SUMF1: variants seen among roughly 807,000 people sequenced by gnomAD.
The protein encoded by SUMF1 is sulfatase modifying factor 1.
Under a neutral mutation model 47.6 loss-of-function variants are expected in SUMF1, and 48 were observed. The ratio of observed to expected loss-of-function variants is 1.01; its 90% confidence interval spans 0.80 to 1.28. The LOEUF (loss-of-function observed/expected upper bound fraction) is 1.28. Ranked by LOEUF, SUMF1 falls within the 50% of genes most tolerant of loss-of-function variation. The pLI, the probability that SUMF1 is intolerant of heterozygous loss-of-function variation, is 0.00. For synonymous variants in SUMF1, 230 were observed against 192.1 expected, an observed-to-expected ratio of 1.20 and a Z score of -1.63; for missense variants, 571 against 485.4, an observed-to-expected ratio of 1.18 and a Z score of -1.66.
chr3:4,353,505 G>C (rs1348029680), intron 8 of SUMF1, among the ~76,000 whole-genome samples: 1 of 152,114 alleles, frequency 6.6e-6, no homozygotes, highest in African/African-American at 2.4e-5. Context: ...GCCCACCTCG[G>C]CCTCCCAAAG....
chr3:4,361,048 GA>G (rs1269713514), downstream of SUMF1: 23 of 152,264 alleles, frequency 1.5e-4, no homozygotes, highest in Admixed American at 1.2e-3. Context: ...TAACAAACAT[GA>G]ACGTTTTCTA....
intron 8 of SUMF1, among the ~76,000 whole-genome samples, chr3:4,310,861 C>A (rs1279156684): frequency 6.6e-6 from 1 of 151,942 alleles, no homozygotes; most frequent in East Asian, 1.9e-4. Context: ...AAAAGTTTAA[C>A]ATGAAAAGTT....
chr3:4,464,046 A>G (rs1182258711), intron 1 of SUMF1, among the ~76,000 whole-genome samples: 1 of 152,202 alleles, frequency 6.6e-6, no homozygotes, highest in Non-Finnish European at 1.5e-5. Context: ...ACACACACTC[A>G]TTGTATGAAT....
intron 8 of SUMF1, among the ~76,000 whole-genome samples, chr3:4,340,107 A>G (rs760843248): frequency 1.2e-4 from 13 of 105,048 alleles, no homozygotes; most frequent in East Asian, 4.8e-4. Flanking sequence ...ACCAATGTGC[A>G]CACACACACA....
At chr3:4,298,689 C>T (rs966297822) in intron 8 of SUMF1, among the ~76,000 whole-genome samples, 4 of 152,178 alleles carry the variant, frequency 2.6e-5, no homozygotes, top group Non-Finnish European at 4.4e-5. Context: ...TTGTCTGTTA[C>T]ACTGCAAGCT....
At chr3:4,143,841 A>T (rs939713679) in intron 8 of SUMF1, among the ~76,000 whole-genome samples, 2 of 152,134 alleles carry the variant, frequency 1.3e-5, no homozygotes, top group Non-Finnish European at 2.9e-5. Flanking sequence ...GCTAGTTAGA[A>T]TTGTGGAATT....
chr3:4,386,892 T>C (rs532415832), intron 7 of SUMF1, among the ~76,000 whole-genome samples: 1 of 151,922 alleles, frequency 6.6e-6, no homozygotes, highest in Non-Finnish European at 1.5e-5. Context: ...TGCTTCTTAT[T>C]ATGGTAGATT....
chr3:4,216,672 A>G, intron 8 of SUMF1, among the ~76,000 whole-genome samples: 1 of 152,182 alleles, frequency 6.6e-6, no homozygotes, highest in Admixed American at 6.6e-5. Flanking sequence ...AATTTACAAG[A>G]AAAAAACAAC....
At chr3:4,455,068 T>C (rs1017880148) in intron 1 of SUMF1, among the ~76,000 whole-genome samples, 1 of 152,254 alleles carries the variant, frequency 6.6e-6, no homozygotes, top group African/African-American at 2.4e-5. Context: ...TATTGCATTC[T>C]ATATGAATTC....
intron 8 of SUMF1, 98 bp downstream of exon 8, chr3:4,376,227 CATTTG>C: frequency 7.3e-7 from 1 of 1,365,778 alleles, no homozygotes; most frequent in Admixed American, 1.7e-5. Context: ...GTTAGGTAGG[CATTTG>C]CAGAAGTGAA....
At chr3:4,321,470 T>TAAAAAAAAAAAA (rs1206478992) in intron 8 of SUMF1, among the ~76,000 whole-genome samples, 47 of 63,706 alleles carry the variant, frequency 7.4e-4, no homozygotes, top group Non-Finnish European at 9.6e-4. Flanking sequence ...AAGGAAATGC[T>TAAAAAAAAAAAA]AAAAAAAAAA....
chr3:4,156,445 C>A (rs1694454245), intron 8 of SUMF1, among the ~76,000 whole-genome samples: 1 of 151,548 alleles, frequency 6.6e-6, no homozygotes, highest in Non-Finnish European at 1.5e-5. Flanking sequence ...TTGTTCCCCA[C>A]TATATCTTCA....
intron 7 of SUMF1, among the ~76,000 whole-genome samples, chr3:4,409,403 A>T (rs754163971): frequency 2.0e-5 from 3 of 152,192 alleles, no homozygotes; most frequent in Non-Finnish European, 4.4e-5. Context: ...GTGAAAAGAA[A>T]AATGTGAATT....
chr3:4,192,756 G>A (rs1015882601), intron 8 of SUMF1, among the ~76,000 whole-genome samples: 2 of 152,096 alleles, frequency 1.3e-5, no homozygotes, highest in South Asian at 4.1e-4. Context: ...CCTCCAGGAA[G>A]GCTGAAGACT....
At position 4,423,475 on chromosome 3, in the gene SUMF1, T is replaced by A. The variant is rs534594220; in HGVS notation, c.520-3329A>T. On this transcript the variant is annotated intron_variant, in intron 3 of 8. Transcript: ENST00000272902. ...TCTCTAGTGACCTCTCAGCCCATAC[T>A]CTTCTACTCTCCTTTTCCTCTCAAT... Among the ~76,000 whole-genome samples the A allele has an allele frequency of 2.1e-4, 32 of 152,272 alleles. No individual in the cohort carries two copies. The South Asian group carries it at 6.2e-3, about 30-fold the overall frequency.
intron 8 of SUMF1, among the ~76,000 whole-genome samples, chr3:4,299,334 T>C (rs7627470): frequency 0.37 from 56,868 of 152,054 alleles, 10,974 homozygotes; most frequent in Middle Eastern, 0.43. Flanking sequence ...GGGGTACACC[T>C]GAGGCCTCTC....
At chr3:4,428,773 A>AAGT (rs1559294121) in intron 3 of SUMF1, among the ~76,000 whole-genome samples, 1 of 152,016 alleles carries the variant, frequency 6.6e-6, no homozygotes, top group Non-Finnish European at 1.5e-5. Context: ...TGAAAAAACA[A>AAGT]AAGCAATATC....
chr3:4,192,880 G>T lies in SUMF1; in HGVS notation c.1015-124135C>A, dbSNP rs189597926. 1.7e-3 allele frequency among the ~76,000 whole-genome samples: 254 copies of T among 152,240 alleles called. 1 individual carries two copies. Among genetic ancestry groups the T allele is most frequent in the Non-Finnish European group, 1.5e-3 (99 of 68,000 alleles). ...CTTCATGGTTGGTGGATAGATCAAC[G>T]TGTCAAGAGGATGATGGGCCCTGCT... On this transcript the variant is annotated intron_variant and NMD_transcript_variant, in intron 8 of 12. Transcript: ENST00000448413.
At chr3:4,309,914 G>A (rs908094353) in intron 8 of SUMF1, among the ~76,000 whole-genome samples, 9 of 152,092 alleles carry the variant, frequency 5.9e-5, no homozygotes, top group Non-Finnish European at 8.8e-5. Flanking sequence ...AGACAATTTC[G>A]TCATTATGCA....
Sources: allele counts gnomAD v4.1 joint callset (sites outside exome capture counted in the v4.1 genomes callset), GRCh38; gene constraint gnomAD v4.1.1; transcripts MANE v1.5; gene names NCBI Gene and HGNC (gene_info 2026-07-23, HGNC 2026-07-21).